The following CSGALNACT2 variants were observed in gnomAD, a reference collection of about 807,000 sequenced individuals.
CSGALNACT2 encodes the protein chondroitin sulfate N-acetylgalactosaminyltransferase 2.
Under a neutral mutation model 55.3 loss-of-function variants are expected in CSGALNACT2, and 35 were observed. That is an observed-to-expected ratio of 0.63 (90% CI 0.48 to 0.84). The LOEUF (loss-of-function observed/expected upper bound fraction) is 0.84. Ranked by LOEUF, CSGALNACT2 falls within the 40% of genes least tolerant of loss-of-function variation. CSGALNACT2 has a pLI of 0.00. For synonymous variants in CSGALNACT2, 196 were observed against 224.9 expected (o/e 0.87, Z 1.15); for missense variants, 544 against 657.5 (o/e 0.83, Z 1.89).
rs746665885 is a variant in CSGALNACT2 at position 43,164,007 on chromosome 10, C to T, written c.1122C>T (p.Ala374=). The change falls in exon 5 of 8, where the codon GCC becomes GCT. Residue 374 remains alanine (A), a synonymous_variant. Coordinates refer to ENST00000374466, the MANE Select transcript of CSGALNACT2 (RefSeq NM_018590.5). The stretch of plus-strand genomic sequence containing the variant: ...GTGATGTTGATATCTATTTCTCAGC[C>T]GAATTCCTTAACAGCTGCCGGTTAA... ...FFCDVDIYFS[A]EFLNSCRLNA... The T allele has an allele frequency of 7.3e-5, 118 of 1,613,616 alleles. No individual in the cohort carries two copies. Among genetic ancestry groups the T allele is most frequent in the Non-Finnish European group, 9.5e-5 (112 of 1,179,836 alleles).
Position 43,172,593 on chromosome 10 carries a change from CTG to C in CSGALNACT2, c.1255-3355_1255-3354del, listed in dbSNP as rs140375647. Among the ~76,000 whole-genome samples, 1,297 of 152,330 alleles carry C rather than the reference CTG, an allele frequency of 8.5e-3. 18 individuals are homozygous for C. Among genetic ancestry groups the C allele is most frequent in the African/African-American group, 0.03 (1,259 of 41,562 alleles). On this transcript the variant is annotated intron_variant, in intron 6 of 7. Coordinates refer to ENST00000374466, the MANE Select transcript of CSGALNACT2 (RefSeq NM_018590.5). ...GCTCCGCAGCCTCCACTCCTGTCCA[CTG>C]TGCACACTGCCTCTGTTATATTAAT...
chr10:43,151,589 C>T (rs972663724), intron 1 of CSGALNACT2, among the ~76,000 whole-genome samples: 2 of 152,130 alleles, frequency 1.3e-5, no homozygotes, highest in African/African-American at 4.8e-5. Context: ...GCCTCATAAG[C>T]CTTTACTTAT....
chr10:43,147,303 G>C (rs1358067911), intron 1 of CSGALNACT2, among the ~76,000 whole-genome samples: 2 of 151,788 alleles, frequency 1.3e-5, no homozygotes, highest in Non-Finnish European at 2.9e-5. Context: ...TTTATTTGAA[G>C]GGTTCAGGCC....
intron 5 of CSGALNACT2, among the ~76,000 whole-genome samples, 155 bp from the exon 6 acceptor site, chr10:43,166,849 A>G (rs1305384297): frequency 1.3e-5 from 2 of 152,252 alleles, no homozygotes; most frequent in Non-Finnish European, 2.9e-5. Context: ...AAATCATCAT[A>G]TTCATCAAAT....
intron 6 of CSGALNACT2, among the ~76,000 whole-genome samples, chr10:43,169,639 A>G (rs1432083763): frequency 6.6e-6 from 1 of 152,186 alleles, no homozygotes; most frequent in Non-Finnish European, 1.5e-5. Context: ...GAAGCTCCCA[A>G]ATTATTAATA....
intron 2 of CSGALNACT2, among the ~76,000 whole-genome samples, chr10:43,156,651 A>G (rs1478834817): frequency 2.0e-5 from 3 of 152,208 alleles, no homozygotes; most frequent in Admixed American, 6.5e-5. Flanking sequence ...TGGTTTTGGG[A>G]TGAAACTGTT....
At chr10:43,169,598 G>A (rs887231594) in intron 6 of CSGALNACT2, among the ~76,000 whole-genome samples, 4 of 152,134 alleles carry the variant, frequency 2.6e-5, no homozygotes, top group African/African-American at 9.7e-5. Flanking sequence ...GATAACATGA[G>A]AGAAAAATTA....
rs1839082552 is a variant in CSGALNACT2 at position 43,158,918 on chromosome 10, A to G, written c.865A>G (p.Met289Val). 4 of 1,600,768 alleles carry G rather than the reference A, an allele frequency of 2.5e-6. No individual in the cohort carries two copies. Among genetic ancestry groups the G allele is most frequent in the Non-Finnish European group, 3.4e-6 (4 of 1,168,510 alleles). The change falls in exon 3 of 8, where the codon ATG becomes GTG. Residue 289 changes from methionine to valine, a missense_variant. By Grantham distance (21) the Met-to-Val change is conservative. Coordinates refer to ENST00000374466, the MANE Select transcript of CSGALNACT2 (RefSeq NM_018590.5). ...AERTEAFVQF[M>V]QNFRDVCIHQ... is the part of the protein sequence containing the mutation. ...AAGAACTGAAGCATTTGTACAATTTATGCAGAACTTCAGGTAACTGTCAGG... is the reference window on the plus strand; with the variant it reads ...AAGAACTGAAGCATTTGTACAATTTGTGCAGAACTTCAGGTAACTGTCAGG...
At chr10:43,180,487 T>C (rs144651857) in intron 7 of CSGALNACT2, among the ~76,000 whole-genome samples, 180 of 152,342 alleles carry the variant, frequency 1.2e-3, no homozygotes, top group African/African-American at 4.0e-3. Context: ...ACTGCTTATG[T>C]TCCGCATCTT....
intron 1 of CSGALNACT2, among the ~76,000 whole-genome samples, chr10:43,139,225 G>A (rs1217761572): frequency 1.3e-5 from 2 of 152,196 alleles, no homozygotes; most frequent in Admixed American, 1.3e-4. Flanking sequence ...CAAGGCTCGC[G>A]GGAGCAGGGC....
At chr10:43,158,026 TAAAAAAAAAAAA>T (rs770700775) in intron 2 of CSGALNACT2, among the ~76,000 whole-genome samples, 1 of 99,438 alleles carries the variant, frequency 1.0e-5, no homozygotes, top group African/African-American at 3.8e-5. Context: ...AGACTCCGTC[TAAAAAAAAAAAA>T]AAAAAAAAAA....
intron 7 of CSGALNACT2, among the ~76,000 whole-genome samples, chr10:43,177,050 T>G (rs1839493933): frequency 6.6e-6 from 1 of 152,182 alleles, no homozygotes; most frequent in African/African-American, 2.4e-5. Flanking sequence ...ATAACCAGCC[T>G]TTTGTTTTGG....
intron 6 of CSGALNACT2, among the ~76,000 whole-genome samples, chr10:43,168,753 A>G (rs1228950712): frequency 6.6e-6 from 1 of 152,048 alleles, no homozygotes; most frequent in Non-Finnish European, 1.5e-5. Flanking sequence ...TATAAATACA[A>G]ATAGGTTCAA....
At chr10:43,164,149 C>G in intron 5 of CSGALNACT2, 105 bp downstream of exon 5, 2 of 920,220 alleles carry the variant, frequency 2.2e-6, no homozygotes, top group Non-Finnish European at 3.2e-6. Context: ...TTAGTTAAAC[C>G]CCAGTATTTT....
At position 43,163,423 on chromosome 10, in the gene CSGALNACT2, T is replaced by G. The variant is rs140419472; in HGVS notation, c.981-443T>G. On this transcript the variant is annotated intron_variant, in intron 4 of 7. Transcript: ENST00000374466. ...AGGATGGAGATGAAGGAGTGGGAGG[T>G]GGCAGCTGCTTCTCAAGTAGTATTA... 7.6e-4 allele frequency: 549 copies of G among 722,436 alleles called. 1 individual carries two copies. In the African/African-American group the frequency reaches 9.7e-3, roughly 13 times the overall value. The allele number at this position is 722,436 out of a possible 1,614,324, so 44.8% of individuals were successfully genotyped here. A position where few individuals can be genotyped will look rare whatever the true frequency, so the allele number is the denominator to read the frequency against.
intron 1 of CSGALNACT2, among the ~76,000 whole-genome samples, chr10:43,140,848 A>G (rs910000118): frequency 1.3e-5 from 2 of 152,282 alleles, no homozygotes; most frequent in African/African-American, 4.8e-5. Flanking sequence ...TAGCACATTT[A>G]TAATGTGAAC....
chr10:43,175,906 T>A, intron 6 of CSGALNACT2, 45 bp from the exon 7 acceptor site: 1 of 1,501,270 alleles, frequency 6.7e-7, no homozygotes. Context: ...AACTTCTGCT[T>A]CTTATGGAAT....
chr10:43,166,987 T>A lies in CSGALNACT2; in HGVS notation c.1160-17T>A. 1 of 1,496,094 alleles carries A rather than the reference T, an allele frequency of 6.7e-7. No individual in the cohort carries two copies. Among genetic ancestry groups the A allele is most frequent in the South Asian group, 1.1e-5 (1 of 86,982 alleles). The allele number at this position is 1,496,094 out of a possible 1,614,324, so 92.7% of individuals were successfully genotyped here. ...ATAACTTCTTTTTATGTTACAAACC[T>A]ATATTTTAATTTGTAGGTAAGAAGG... On this transcript the variant is annotated splice_polypyrimidine_tract_variant and intron_variant, in intron 5 of 7. Coordinates refer to ENST00000374466, the MANE Select transcript of CSGALNACT2 (RefSeq NM_018590.5).
At chr10:43,160,061 T>C (rs1322115229) in intron 3 of CSGALNACT2, among the ~76,000 whole-genome samples, 1 of 152,258 alleles carries the variant, frequency 6.6e-6, no homozygotes, top group Non-Finnish European at 1.5e-5. Context: ...CACATTATTA[T>C]TTACAGTAAG....
Sources: allele counts gnomAD v4.1 joint callset (sites outside exome capture counted in the v4.1 genomes callset), GRCh38; gene constraint gnomAD v4.1.1; transcripts MANE v1.5; gene names NCBI Gene and HGNC (gene_info 2026-07-23, HGNC 2026-07-21).